The following TMEM259 variants were observed in gnomAD, a reference collection of about 807,000 sequenced individuals.
The protein encoded by TMEM259 is transmembrane protein 259, also known as membralin.
Under a neutral mutation model 46.7 loss-of-function variants are expected in TMEM259, and 26 were observed. That is an observed-to-expected ratio of 0.56 (90% CI 0.41 to 0.77). The LOEUF is 0.77. Ranked by LOEUF, TMEM259 falls within the 30% of genes least tolerant of loss-of-function variation. The pLI is 0.00. For synonymous variants in TMEM259, 494 were observed against 395.1 expected, an observed-to-expected ratio of 1.25 and a Z score of -2.97; for missense variants, 930 against 900.5, an observed-to-expected ratio of 1.03 and a Z score of -0.42.
Position 1,020,730 on chromosome 19 carries a change from C to G in TMEM259, c.225+42G>C, listed in dbSNP as rs1162890506. Reference sequence around the variant, plus strand: ...GAGGTAGCAGACTTGGGGGTCGGGACAGCCGCTGGGGTCAAGGGTCGGGGG... The same window carrying G: ...GAGGTAGCAGACTTGGGGGTCGGGAGAGCCGCTGGGGTCAAGGGTCGGGGG... On this transcript the variant is annotated intron_variant, in intron 1 of 10. Transcript: ENST00000356663. This position sits in a 1 kb window ranked among gnomAD's most constrained non-coding sequence, Gnocchi z 4.0. 2 of 1,269,162 alleles carry G rather than the reference C, an allele frequency of 1.6e-6. No homozygotes were observed. Among genetic ancestry groups the G allele is most frequent in the Non-Finnish European group, 2.0e-6 (2 of 998,132 alleles). The allele number at this position is 1,269,162 out of a possible 1,614,324, so 78.6% of individuals were successfully genotyped here.
intron 9 of TMEM259, 59 bp downstream of exon 9, chr19:1,011,308 G>A: frequency 6.5e-7 from 1 of 1,541,860 alleles, no homozygotes. Flanking sequence ...CCTCCCTCTG[G>A]CAGCCCCCTA....
At position 1,020,694 on chromosome 19, in the gene TMEM259, G is replaced by T. The variant is rs895774456; in HGVS notation, c.225+78C>A. 6 of 1,086,716 alleles carry T rather than the reference G, an allele frequency of 5.5e-6. No homozygotes were observed. Among genetic ancestry groups the T allele is most frequent in the African/African-American group, 1.6e-5 (1 of 60,888 alleles). 67.3% of individuals were successfully genotyped at this position (1,086,716 alleles called of 1,614,324 possible). A position where few individuals can be genotyped will look rare whatever the true frequency, so the allele number is the denominator to read the frequency against. On this transcript the variant is annotated intron_variant, in intron 1 of 10. Coordinates refer to ENST00000356663, the MANE Select transcript of TMEM259 (RefSeq NM_001033026.2). The surrounding 1 kb of genome is among the most constrained non-coding windows in gnomAD (Gnocchi z 4.0). ...GCTCGCTGTCCCCAGCGGGGCCAGG[G>T]GTCGCGGTCGGAGGTAGCAGACTTG...
intron 1 of TMEM259, among the ~76,000 whole-genome samples, chr19:1,018,646 A>G (rs2039186461): frequency 6.6e-6 from 1 of 152,176 alleles, no homozygotes; most frequent in Admixed American, 6.5e-5. Flanking sequence ...GCAGGGTCAG[A>G]TTCTGTGCCA....
chr19:1,016,369 A>G (rs1330668428), intron 1 of TMEM259, among the ~76,000 whole-genome samples: 4 of 152,192 alleles, frequency 2.6e-5, no homozygotes, highest in African/African-American at 9.7e-5. Context: ...GGCTGGGCCC[A>G]GTGGTGGGTC....
At position 1,011,555 on chromosome 19, in the gene TMEM259, G is replaced by T. The variant is rs746461464; in HGVS notation, c.1084+25C>A. ...GGCGGGGCGGGGTGCAGCGCGGGGC[G>T]GGGGAGGCCGGGTGGGGTCCTCACC... On this transcript the variant is annotated intron_variant, in intron 8 of 10. Coordinates refer to ENST00000356663, the MANE Select transcript of TMEM259 (RefSeq NM_001033026.2). The T allele has an allele frequency of 8.4e-6, 13 of 1,540,772 alleles. 1 individual carries two copies. In the South Asian group the frequency reaches 1.4e-4, roughly 17 times the overall value.
chr19:1,012,437 C>G, intron 4 of TMEM259, 26 bp downstream of exon 4: 2 of 1,564,746 alleles, frequency 1.3e-6, no homozygotes, highest in Non-Finnish European at 1.7e-6. Flanking sequence ...CCATGGAGCT[C>G]CCCAAGCCCA....
Position 1,020,725 on chromosome 19 carries a change from C to G in TMEM259, c.225+47G>C, listed in dbSNP as rs752993318. The G allele has an allele frequency of 8.0e-7, 1 of 1,256,492 alleles. No individual in the cohort carries two copies. The allele number at this position is 1,256,492 out of a possible 1,614,324, so 77.8% of individuals were successfully genotyped here. On this transcript the variant is annotated intron_variant, in intron 1 of 10. Transcript: ENST00000356663. The surrounding 1 kb of genome is among the most constrained non-coding windows in gnomAD (Gnocchi z 4.0). ...GGTCGGAGGTAGCAGACTTGGGGGT[C>G]GGGACAGCCGCTGGGGTCAAGGGTC...
At position 1,009,836 on chromosome 19, in the gene TMEM259, C is replaced by A. The variant is rs1429534663; in HGVS notation, c.*514G>T. 3 of 438,774 alleles carry A rather than the reference C, an allele frequency of 6.8e-6. No individual in the cohort carries two copies. Among genetic ancestry groups the A allele is most frequent in the Non-Finnish European group, 1.2e-5 (3 of 251,532 alleles). The allele number at this position is 438,774 out of a possible 1,614,324, so 27.2% of individuals were successfully genotyped here. On this transcript the variant is annotated 3_prime_UTR_variant, in exon 11 of 11. Coordinates refer to ENST00000356663, the MANE Select transcript of TMEM259 (RefSeq NM_001033026.2). The stretch of plus-strand genomic sequence containing the variant: ...TGCCACTGATGTTGGCGCCTGCACC[C>A]CACGTCCCTATGCCCGAGGCGCAAG...
In TMEM259 at chr19:1,016,941, C is replaced by T. The variant is rs1469505039; in HGVS notation, c.226-2468G>A. On this transcript the variant is annotated intron_variant, in intron 1 of 10. Coordinates refer to ENST00000356663, the MANE Select transcript of TMEM259 (RefSeq NM_001033026.2). The stretch of plus-strand genomic sequence containing the variant: ...AGTCAAAGACTTCAAGTCCACCAGA[C>T]GCTATGACTCAGACGTCACTGTGTC... 8.5e-5 allele frequency among the ~76,000 whole-genome samples: 13 copies of T among 152,202 alleles called. No individual in the cohort carries two copies. In the East Asian group the frequency reaches 1.3e-3, roughly 16 times the overall value.
intron 8 of TMEM259, 25 bp downstream of exon 8, chr19:1,011,555 G>A (rs746461464): frequency 5.7e-5 from 88 of 1,540,772 alleles, no homozygotes; most frequent in Admixed American, 2.8e-4. Context: ...AGCGCGGGGC[G>A]GGGGAGGCCG....
chr19:1,014,965 C>T (rs985506365), intron 1 of TMEM259, among the ~76,000 whole-genome samples: 6 of 152,238 alleles, frequency 3.9e-5, no homozygotes, highest in Non-Finnish European at 8.8e-5. Context: ...TTGCCGCCAC[C>T]CCAGGGCCAC....
In TMEM259 at chr19:1,012,510, T is replaced by C; in HGVS notation, c.671A>G (p.Gln224Arg). The stretch of plus-strand genomic sequence containing the variant: ...GATGCTCAGGCGCTGGCGGGTGGCC[T>C]GCGACAGGCGAAGGAAGCCATACTC... ...SLEYGFLRLS[Q>R]ATRQRLSIPV... The change falls in exon 4 of 11, where the codon CAG becomes CGG. Residue 224 changes from glutamine to arginine, a missense_variant. Transcript: ENST00000356663. The C allele has an allele frequency of 2.5e-6, 4 of 1,600,994 alleles. No individual in the cohort carries two copies. The highest frequency in any genetic ancestry group is 3.4e-6 in the Non-Finnish European group (4 of 1,175,626).
intron 1 of TMEM259, among the ~76,000 whole-genome samples, chr19:1,018,576 G>A (rs1464773019): frequency 2.0e-5 from 3 of 152,218 alleles, no homozygotes; most frequent in Non-Finnish European, 4.4e-5. Flanking sequence ...GGAACTCAAG[G>A]CAGCCTCTGA....
chr19:1,016,719 C>T (rs56126437), intron 1 of TMEM259, among the ~76,000 whole-genome samples: 24,673 of 152,260 alleles, frequency 0.16, 2,216 homozygotes, highest in Non-Finnish European at 0.21. Context: ...CAGTGCCAGT[C>T]TGCACAATTA....
Position 1,010,749 on chromosome 19 carries a change from G to C in TMEM259, c.1464C>G (p.Ala488=). The C allele has an allele frequency of 6.5e-7, 1 of 1,534,848 alleles. No individual in the cohort carries two copies. The highest frequency in any genetic ancestry group is 1.2e-5 in the South Asian group (1 of 84,154). The change falls in exon 11 of 11, where the codon GCC becomes GCG. Residue 488 remains alanine (A), a synonymous_variant. Coordinates refer to ENST00000356663, the MANE Select transcript of TMEM259 (RefSeq NM_001033026.2). The stretch of plus-strand genomic sequence containing the variant: ...CGGCAGAGTCAGGGGCTGTAGCCGG[G>C]GCGCCCGAGTTGTTGTTCATGTCAT... ...LPDDMNNNSG[A]PATAPDSAGQ... is the part of the protein sequence containing the mutation.
At chr19:1,013,382 G>C (rs7258158) in intron 2 of TMEM259, 42 bp from the exon 3 acceptor site, 1 of 1,586,308 alleles carries the variant, frequency 6.3e-7, no homozygotes, top group East Asian at 2.2e-5. Flanking sequence ...GCGCCAGCCC[G>C]GGCTGTGAGG....
At chr19:1,012,714 C>CA (rs2038978886) in intron 3 of TMEM259, 141 bp from the exon 4 acceptor site, 6 of 1,142,340 alleles carry the variant, frequency 5.3e-6, no homozygotes, top group Admixed American at 2.5e-5. Context: ...AGGACCCCTA[C>CA]ATGGACACTT....
At chr19:1,011,007 C>T (rs1677191878) in intron 10 of TMEM259, 89 bp downstream of exon 10, 5 of 1,544,532 alleles carry the variant, frequency 3.2e-6, no homozygotes, top group Admixed American at 3.9e-5. Context: ...CCGCTTGGGC[C>T]GACCCCACAG....
intron 2 of TMEM259, 29 bp from the exon 3 acceptor site, chr19:1,013,369 G>C: frequency 6.2e-7 from 1 of 1,610,416 alleles, no homozygotes; most frequent in Non-Finnish European, 8.5e-7. Flanking sequence ...CTGGGTGTCA[G>C]CAGCGCCAGC....
Sources: gnomAD v4.1 joint callset for allele counts (sites outside exome capture counted in the v4.1 genomes callset) on GRCh38, gnomAD v4.1.1 for gene constraint, Gnocchi (gnomAD v3.1) non-coding constraint, MANE v1.5 for transcripts, NCBI Gene and HGNC (gene_info 2026-07-23, HGNC 2026-07-21) for gene names.